The following EMP2 variants were observed in gnomAD, a reference collection of about 807,000 sequenced individuals.
EMP2 encodes the protein epithelial membrane protein 2.
In EMP2, 19 loss-of-function variants were observed where a neutral mutation model predicts 13.7. The observed-to-expected ratio is 1.38, with a 90% CI of 0.97 to 2.03. The LOEUF (loss-of-function observed/expected upper bound fraction) is 2.03. Ranked by LOEUF, EMP2 falls within the 30% of genes most tolerant of loss-of-function variation. EMP2 has a pLI of 0.00. For synonymous variants in EMP2, 97 were observed against 84.7 expected, an observed-to-expected ratio of 1.15 and a Z score of -0.80; for missense variants, 253 against 220.7, an observed-to-expected ratio of 1.15 and a Z score of -0.93.
chr16:10,556,822 T>C (rs985518749), intron 1 of EMP2, among the ~76,000 whole-genome samples: 1 of 152,214 alleles, frequency 6.6e-6, no homozygotes, highest in Non-Finnish European at 1.5e-5. Context: ...AGTTTTCCAG[T>C]TCCAAATACA....
At chr16:10,549,828 TG>T (rs1459717799) in intron 1 of EMP2, among the ~76,000 whole-genome samples, 2 of 151,852 alleles carry the variant, frequency 1.3e-5, no homozygotes, top group Non-Finnish European at 2.9e-5. Context: ...TGTGTATTTC[TG>T]AAAAACCAAG....
At position 10,555,069 on chromosome 16, in the gene EMP2, T is replaced by C. The variant is rs141098417; in HGVS notation, c.-60-7392A>G. 4.3e-3 allele frequency among the ~76,000 whole-genome samples: 654 copies of C among 152,206 alleles called. 5 individuals are homozygous for C. The highest frequency in any genetic ancestry group is 6.9e-3 in the Non-Finnish European group (466 of 68,018). On this transcript the variant is annotated intron_variant, in intron 1 of 4. Transcript: ENST00000359543. ...AGAGCTGTAAAGGCCCTTGGAAAAC[T>C]CAAAGCCCTATTGTCCAGAGGTATT...
intron 3 of EMP2, among the ~76,000 whole-genome samples, 179 bp from the exon 4 acceptor site, chr16:10,538,253 C>G (rs1022614602): frequency 1.3e-5 from 2 of 152,172 alleles, no homozygotes; most frequent in African/African-American, 4.8e-5. Flanking sequence ...GACCCCCTGC[C>G]CCTCACCTCC....
chr16:10,533,059 G>T lies in EMP2; in HGVS notation c.350C>A (p.Thr117Lys). The change falls in exon 5 of 5, where the codon ACA becomes AAA. Residue 117 changes from threonine to lysine, a missense_variant. Coordinates refer to ENST00000359543, the MANE Select transcript of EMP2 (RefSeq NM_001424.6). ...LCVMIAASIYTDRREDIHDKN... is the reference protein window; with the variant it reads ...LCVMIAASIYKDRREDIHDKN... ...GTCGTGAATGTCTTCACGCCTGTCT[G>T]TATAAATGGAGGCCGCAATCATGAC... 9 of 1,603,028 alleles carry T rather than the reference G, an allele frequency of 5.6e-6. No homozygotes were observed. The highest frequency in any genetic ancestry group is 6.0e-6 in the Non-Finnish European group (7 of 1,174,712).
chr16:10,533,060 T>TATAA lies in EMP2; in HGVS notation c.345_348dup (p.Thr117LeufsTer6). Reference sequence around the variant, plus strand: ...TCGTGAATGTCTTCACGCCTGTCTGTATAAATGGAGGCCGCAATCATGACA... The same window carrying TATAA: ...TCGTGAATGTCTTCACGCCTGTCTGTATAAATAAATGGAGGCCGCAATCATGACA... On this transcript the variant is annotated frameshift_variant, in exon 5 of 5. Transcript: ENST00000359543. LOFTEE classifies it low-confidence loss of function (END_TRUNC). 6.2e-7 allele frequency: 1 copy of TATAA among 1,603,450 alleles called. No individual in the cohort carries two copies. Among genetic ancestry groups the TATAA allele is most frequent in the Non-Finnish European group, 8.5e-7 (1 of 1,174,950 alleles).
chr16:10,547,825 G>A (rs988242722), intron 1 of EMP2, 148 bp from the exon 2 acceptor site: 6 of 562,174 alleles, frequency 1.1e-5, no homozygotes, highest in African/African-American at 1.9e-5. Context: ...TTGAGCCCAG[G>A]AGATTGAGAC....
At chr16:10,535,544 C>T (rs2050640343) in intron 4 of EMP2, among the ~76,000 whole-genome samples, 1 of 152,050 alleles carries the variant, frequency 6.6e-6, no homozygotes. Context: ...CATAGTGAAA[C>T]CCCATCTCTA....
intron 1 of EMP2, among the ~76,000 whole-genome samples, chr16:10,571,669 C>A (rs931063178): frequency 6.6e-5 from 10 of 152,208 alleles, no homozygotes; most frequent in African/African-American, 2.4e-4. Context: ...AAACGGACTG[C>A]AAGGCCATAG....
intron 3 of EMP2, among the ~76,000 whole-genome samples, chr16:10,541,245 A>G (rs1355505691): frequency 6.6e-6 from 1 of 151,750 alleles, no homozygotes; most frequent in Non-Finnish European, 1.5e-5. Context: ...TCCACTAAAT[A>G]CAGTAGATTT....
At chr16:10,539,775 A>G (rs2050680040) in intron 3 of EMP2, among the ~76,000 whole-genome samples, 1 of 152,192 alleles carries the variant, frequency 6.6e-6, no homozygotes, top group Non-Finnish European at 1.5e-5. Context: ...ATAAATCAGA[A>G]CGTCGGGCAT....
chr16:10,573,539 C>T (rs899390502), intron 1 of EMP2, among the ~76,000 whole-genome samples: 4 of 152,204 alleles, frequency 2.6e-5, no homozygotes, highest in Admixed American at 6.5e-5. Context: ...CTCTGACCCC[C>T]CACAGCCAAA....
rs2050609645 is a variant in EMP2, at chr16:10,532,255, G to A, written c.*650C>T. On this transcript the variant is annotated 3_prime_UTR_variant, in exon 5 of 5. Transcript: ENST00000359543. ...AAGACGAGTCTAAATCTGGCACGCA[G>A]GTTAAGGATGACCATTCCTAAGGCA... The A allele has an allele frequency of 6.5e-6, 1 of 154,642 alleles. No individual in the cohort carries two copies. Among genetic ancestry groups the A allele is most frequent in the African/African-American group, 2.4e-5 (1 of 41,480 alleles). The allele number at this position is 154,642 out of a possible 1,614,324, so 9.6% of individuals were successfully genotyped here.
chr16:10,547,675 G>C lies in EMP2; in HGVS notation c.-58C>G. ...TCACGTTTAAAGCCCAGAGCGGGAT[G>C]TGCTGAAGAGGGTAAGAAAGAGAAA... On this transcript the variant is annotated splice_region_variant and 5_prime_UTR_variant, in exon 2 of 5. Transcript: ENST00000359543. 6.5e-7 allele frequency: 1 copy of C among 1,537,138 alleles called. No individual in the cohort carries two copies. The highest frequency in any genetic ancestry group is 1.4e-5 in the African/African-American group (1 of 73,094).
At chr16:10,561,032 C>A (rs1161104719) in intron 1 of EMP2, among the ~76,000 whole-genome samples, 1 of 152,082 alleles carries the variant, frequency 6.6e-6, no homozygotes, top group Admixed American at 6.6e-5. Context: ...TAGCAGGAGG[C>A]AAACGTGGGG....
At chr16:10,572,310 A>C (rs1380818136) in intron 1 of EMP2, among the ~76,000 whole-genome samples, 1 of 152,028 alleles carries the variant, frequency 6.6e-6, no homozygotes, top group Non-Finnish European at 1.5e-5. Flanking sequence ...TTTAAAAATT[A>C]GCTGGGTGCA....
chr16:10,544,006 C>T (rs2050720822), intron 2 of EMP2, among the ~76,000 whole-genome samples: 2 of 151,966 alleles, frequency 1.3e-5, no homozygotes, highest in Admixed American at 1.3e-4. Context: ...ACTACAGGTG[C>T]ACATCACCAC....
intron 1 of EMP2, among the ~76,000 whole-genome samples, chr16:10,565,262 T>G (rs1318973641): frequency 6.6e-6 from 1 of 152,218 alleles, no homozygotes; most frequent in African/African-American, 2.4e-5. Context: ...TCAACTTGTC[T>G]GGGTCACAAT....
intron 1 of EMP2, among the ~76,000 whole-genome samples, chr16:10,556,021 T>C (rs1028238636): frequency 3.9e-5 from 6 of 152,216 alleles, no homozygotes; most frequent in African/African-American, 1.4e-4. Flanking sequence ...GTGTCTCTTT[T>C]TCACCATCAT....
intron 1 of EMP2, among the ~76,000 whole-genome samples, chr16:10,556,768 T>C (rs1012030634): frequency 1.3e-5 from 2 of 152,206 alleles, no homozygotes; most frequent in Admixed American, 1.3e-4. Flanking sequence ...AGGGTCCTAA[T>C]GGTTCTGGGT....
Sources: allele counts gnomAD v4.1 joint callset (sites outside exome capture counted in the v4.1 genomes callset), GRCh38; gene constraint gnomAD v4.1.1; transcripts MANE v1.5; gene names NCBI Gene and HGNC (gene_info 2026-07-23, HGNC 2026-07-21).